Variants in MSTO1 observed in about 807,000 individuals in gnomAD.
MSTO1 encodes the protein protein misato homolog 1.
Under a neutral mutation model 55.7 loss-of-function variants are expected in MSTO1, and 24 were observed. The ratio of observed to expected loss-of-function variants is 0.43; its 90% CI spans 0.31 to 0.61. MSTO1 has a LOEUF of 0.61. Ranked by LOEUF, MSTO1 falls within the 20% of genes least tolerant of loss-of-function variation. The pLI is 0.09. For missense variants in MSTO1, 363 were observed against 625.7 expected (o/e 0.58, Z 4.48); for synonymous variants, 162 against 252.8 (o/e 0.64, Z 3.41).
chr1:155,563,583 C>T, the MSTO1 span: 1 of 456,398 alleles, frequency 2.2e-6, no homozygotes, highest in Admixed American at 2.3e-5. Flanking sequence ...GCCCTTGACG[C>T]ACTTACTCAT....
At chr1:155,567,514 G>GTTTTAGCCGGGA in the MSTO1 span, among the ~76,000 whole-genome samples, 1 of 151,004 alleles carries the variant, frequency 6.6e-6, no homozygotes, top group Admixed American at 6.6e-5. Flanking sequence ...GGGTTTCACC[G>GTTTTAGCCGGGA]TGGTCTCGAT....
chr1:155,593,901 G>A, the MSTO1 span, among the ~76,000 whole-genome samples: 1 of 151,834 alleles, frequency 6.6e-6, no homozygotes, highest in African/African-American at 2.4e-5. Context: ...CCCGGGAGGC[G>A]GAGCTTGCAG....
the MSTO1 span, among the ~76,000 whole-genome samples, chr1:155,567,798 G>T: frequency 6.7e-6 from 1 of 149,552 alleles, no homozygotes; most frequent in Admixed American, 6.7e-5. Flanking sequence ...ACTTTGGGAG[G>T]CCAAGGCAGG....
chr1:155,577,515 G>A, the MSTO1 span, among the ~76,000 whole-genome samples: 1 of 152,148 alleles, frequency 6.6e-6, no homozygotes, highest in Non-Finnish European at 1.5e-5. Flanking sequence ...GGTTGTCCCA[G>A]CACTATTTGT....
chr1:155,609,243 A>ATATATATATATATATATATATTT (rs59756178), upstream of MSTO1, among the ~76,000 whole-genome samples: 2 of 54,578 alleles, frequency 3.7e-5, no homozygotes, highest in East Asian at 1.9e-3. Flanking sequence ...ATATATATAT[A>ATATATATATATATATATATATTT]TTTTTTTTTT....
At chr1:155,568,614 G>A in the MSTO1 span, among the ~76,000 whole-genome samples, 1 of 149,490 alleles carries the variant, frequency 6.7e-6, no homozygotes, top group Non-Finnish European at 1.5e-5. Flanking sequence ...AATTTTTTGT[G>A]TTTTTAGTAG....
the MSTO1 span, among the ~76,000 whole-genome samples, chr1:155,569,073 T>G: frequency 1.3e-5 from 2 of 151,974 alleles, no homozygotes; most frequent in Non-Finnish European, 2.9e-5. Flanking sequence ...AGGCTGGTCT[T>G]GAACTCCTGA....
At chr1:155,599,730 T>C in the MSTO1 span, among the ~76,000 whole-genome samples, 2 of 152,124 alleles carry the variant, frequency 1.3e-5, no homozygotes, top group Admixed American at 1.3e-4. Flanking sequence ...CGTGGGTGTT[T>C]CTCCGAGAGG....
At chr1:155,574,312 C>T in the MSTO1 span, among the ~76,000 whole-genome samples, 1 of 152,156 alleles carries the variant, frequency 6.6e-6, no homozygotes, top group Admixed American at 6.6e-5. Context: ...CGTCATCACA[C>T]TGCAGCCTAG....
At chr1:155,611,492 C>T (rs1340904447) in intron 4 of MSTO1, 57 bp from the exon 5 acceptor site, 1 of 1,613,722 alleles carries the variant, frequency 6.2e-7, no homozygotes, top group African/African-American at 1.3e-5. Flanking sequence ...GAGGACGAAG[C>T]AACCTTTGCC....
chr1:155,598,229 G>A, the MSTO1 span, among the ~76,000 whole-genome samples: 8 of 151,654 alleles, frequency 5.3e-5, no homozygotes, highest in Admixed American at 2.0e-4. Flanking sequence ...CAATTCTCCC[G>A]CCTCAGCCTC....
the MSTO1 span, among the ~76,000 whole-genome samples, chr1:155,598,274 G>A: frequency 2.0e-5 from 3 of 151,990 alleles, no homozygotes; most frequent in East Asian, 1.9e-4. Flanking sequence ...GTGCCACCAC[G>A]GCCAGCTAAT....
At chr1:155,600,975 CTTTTTTTT>C in the MSTO1 span, among the ~76,000 whole-genome samples, 1 of 119,134 alleles carries the variant, frequency 8.4e-6, no homozygotes, top group African/African-American at 3.4e-5. Context: ...TGTGCTAGGC[CTTTTTTTT>C]TTTTTTTTTT....
chr1:155,589,381 G>GTT, the MSTO1 span, among the ~76,000 whole-genome samples: 3 of 146,610 alleles, frequency 2.0e-5, no homozygotes, highest in Admixed American at 6.8e-5. Flanking sequence ...AAGTTTTGGT[G>GTT]TTTTTTTTTT....
chr1:155,575,330 G>A, the MSTO1 span, among the ~76,000 whole-genome samples: 3 of 152,052 alleles, frequency 2.0e-5, no homozygotes, highest in East Asian at 5.8e-4. Flanking sequence ...ATCTCATTGT[G>A]GTTTTTATTT....
At chr1:155,608,400 G>C (rs1427172392), upstream of MSTO1, among the ~76,000 whole-genome samples, 1 of 151,892 alleles carries the variant, frequency 6.6e-6, no homozygotes. Flanking sequence ...TCACATTCTC[G>C]AATTTCTGGA....
chr1:155,591,246 A>C, the MSTO1 span: 1 of 1,607,080 alleles, frequency 6.2e-7, no homozygotes, highest in Admixed American at 1.7e-5. Flanking sequence ...CAGGATCTGC[A>C]TTCTGGCAGA....
chr1:155,574,469 T>C, the MSTO1 span, among the ~76,000 whole-genome samples: 1 of 152,188 alleles, frequency 6.6e-6, no homozygotes, highest in Non-Finnish European at 1.5e-5. Flanking sequence ...TGTATATATA[T>C]ATATAGACAT....
At chr1:155,590,576 A>G in the MSTO1 span, 2 of 1,180,934 alleles carry the variant, frequency 1.7e-6, no homozygotes, top group Non-Finnish European at 2.4e-6. Context: ...CTCTAGTGCC[A>G]GCGGAGCCCC....
Sources: gnomAD v4.1 joint callset for allele counts (sites outside exome capture counted in the v4.1 genomes callset) on GRCh38, gnomAD v4.1.1 for gene constraint, MANE v1.5 for transcripts, NCBI Gene and HGNC (gene_info 2026-07-23, HGNC 2026-07-21) for gene names.